SKAP2: variants seen among roughly 807,000 people sequenced by gnomAD.
SKAP2 encodes the protein src kinase associated phosphoprotein 2, also known as src kinase-associated phosphoprotein 2.
Under a neutral mutation model 54.9 loss-of-function variants are expected in SKAP2, and 28 were observed. The ratio of observed to expected loss-of-function variants is 0.51; its 90% confidence interval spans 0.38 to 0.70. The LOEUF (loss-of-function observed/expected upper bound fraction) is 0.70, where lower values mean the gene tolerates loss of function less well. Ranked by LOEUF, SKAP2 falls within the 30% of genes least tolerant of loss-of-function variation. SKAP2 has a pLI of 0.00. For synonymous variants in SKAP2, 137 were observed against 134.3 expected (o/e 1.02, Z -0.14); for missense variants, 356 against 424.1 (o/e 0.84, Z 1.41).
chr7:26,787,845 G>A (rs1783587687), intron 4 of SKAP2, among the ~76,000 whole-genome samples: 1 of 152,036 alleles, frequency 6.6e-6, no homozygotes, highest in Admixed American at 6.6e-5. Flanking sequence ...CTCTAACAGC[G>A]GGGATTACAT....
chr7:26,853,941 G>C (rs1387056054), intron 3 of SKAP2, among the ~76,000 whole-genome samples, 196 bp downstream of exon 3: 1 of 152,164 alleles, frequency 6.6e-6, no homozygotes, highest in East Asian at 1.9e-4. Context: ...AGACTGTGCA[G>C]AGTAAATTCT....
chr7:26,817,239 A>G (rs1784284621), intron 4 of SKAP2, among the ~76,000 whole-genome samples: 2 of 152,166 alleles, frequency 1.3e-5, no homozygotes, highest in Admixed American at 1.3e-4. Flanking sequence ...ACAGGAGTGT[A>G]TACATTCACA....
rs188682098 is a variant in SKAP2, at chr7:26,686,998, G to A, written c.875-2150C>T. The stretch of plus-strand genomic sequence containing the variant: ...TTTGGCTTAGCTATGTTGTCCCATT[G>A]CGTTCCCCAGCTGTCCAGGCTGCTC... On this transcript the variant is annotated intron_variant, in intron 10 of 12. Transcript: ENST00000345317. 1.2e-4 allele frequency among the ~76,000 whole-genome samples: 18 copies of A among 152,102 alleles called. No individual in the cohort carries two copies. The East Asian group carries it at 3.3e-3, about 28-fold the overall frequency.
At chr7:26,770,888 CTGTTCCTATT>C (rs1440690061) in intron 4 of SKAP2, among the ~76,000 whole-genome samples, 1 of 152,076 alleles carries the variant, frequency 6.6e-6, no homozygotes, top group Non-Finnish European at 1.5e-5. Flanking sequence ...CAGACCGGAG[CTGTTCCTATT>C]TGGCCATCTT....
intron 4 of SKAP2, among the ~76,000 whole-genome samples, chr7:26,820,547 T>C (rs935711670): frequency 2.0e-5 from 3 of 152,196 alleles, no homozygotes; most frequent in African/African-American, 7.2e-5. Context: ...ATGCTATTGT[T>C]TCATTACTTT....
At chr7:26,679,013 CGTA>C (rs1216138657) in intron 11 of SKAP2, among the ~76,000 whole-genome samples, 2 of 152,134 alleles carry the variant, frequency 1.3e-5, no homozygotes, top group Admixed American at 1.3e-4. Context: ...AAAATATCAA[CGTA>C]GTGCTTTTCT....
chr7:26,773,804 C>A (rs972035739), intron 4 of SKAP2, among the ~76,000 whole-genome samples: 3 of 152,062 alleles, frequency 2.0e-5, no homozygotes, highest in Admixed American at 6.5e-5. Context: ...CAAGATATGA[C>A]AAAACAATAA....
At chr7:26,797,127 G>A (rs1360588384) in intron 4 of SKAP2, among the ~76,000 whole-genome samples, 4 of 152,234 alleles carry the variant, frequency 2.6e-5, no homozygotes, top group African/African-American at 9.6e-5. Context: ...GGGATTAGGG[G>A]ACCTCGCTGC....
intron 11 of SKAP2, among the ~76,000 whole-genome samples, chr7:26,676,585 T>C (rs1786354130): frequency 6.6e-6 from 1 of 152,210 alleles, no homozygotes; most frequent in Admixed American, 6.5e-5. Context: ...GATCCTATCA[T>C]TCTAAGTTCT....
chr7:26,773,539 C>T (rs1412325864), intron 4 of SKAP2, among the ~76,000 whole-genome samples: 1 of 152,212 alleles, frequency 6.6e-6, no homozygotes, highest in Non-Finnish European at 1.5e-5. Context: ...TAGGCACCTT[C>T]CCACAATTTC....
chr7:26,686,692 A>G (rs1786650008), intron 10 of SKAP2, among the ~76,000 whole-genome samples: 1 of 152,224 alleles, frequency 6.6e-6, no homozygotes, highest in Non-Finnish European at 1.5e-5. Context: ...TTCTAGTCAG[A>G]TTAAATCAAT....
At chr7:26,700,089 T>C (rs1303432013) in intron 9 of SKAP2, among the ~76,000 whole-genome samples, 2 of 152,210 alleles carry the variant, frequency 1.3e-5, no homozygotes, top group African/African-American at 2.4e-5. Flanking sequence ...AGCAAGCCTG[T>C]ATCCAAAACA....
intron 4 of SKAP2, among the ~76,000 whole-genome samples, chr7:26,830,938 G>A (rs1469887659): frequency 6.6e-6 from 1 of 151,776 alleles, no homozygotes; most frequent in Non-Finnish European, 1.5e-5. Context: ...TTAGTTATGT[G>A]TACTACTTTT....
At chr7:26,719,084 G>A (rs1787523773) in intron 9 of SKAP2, among the ~76,000 whole-genome samples, 1 of 152,010 alleles carries the variant, frequency 6.6e-6, no homozygotes, top group Non-Finnish European at 1.5e-5. Flanking sequence ...AGAGGCTAAG[G>A]CAGGAGAAAC....
chr7:26,771,409 A>G (rs956833458), intron 4 of SKAP2, among the ~76,000 whole-genome samples: 1 of 152,232 alleles, frequency 6.6e-6, no homozygotes, highest in South Asian at 2.1e-4. Flanking sequence ...TATCTACTGT[A>G]CATCTAATGA....
At chr7:26,690,197 A>G in intron 10 of SKAP2, 88 bp downstream of exon 10, 1 of 992,432 alleles carries the variant, frequency 1.0e-6, no homozygotes, top group South Asian at 1.4e-5. Flanking sequence ...GGAGCTGTGT[A>G]AACATCTTTA....
chr7:26,675,156 G>A (rs1227920153), intron 11 of SKAP2, among the ~76,000 whole-genome samples: 2 of 152,092 alleles, frequency 1.3e-5, no homozygotes, highest in Non-Finnish European at 2.9e-5. Flanking sequence ...CTTTTCATCA[G>A]TTTACCCTGC....
intron 11 of SKAP2, among the ~76,000 whole-genome samples, chr7:26,676,073 T>C (rs1489720208): frequency 2.0e-5 from 3 of 152,218 alleles, no homozygotes. Context: ...TTTGTTTATA[T>C]TTATATTCTT....
intron 3 of SKAP2, among the ~76,000 whole-genome samples, chr7:26,845,082 C>T (rs1475568249): frequency 6.6e-6 from 1 of 152,148 alleles, no homozygotes; most frequent in Non-Finnish European, 1.5e-5. Context: ...AAGTATTTGA[C>T]TGTTGAATTC....
Sources: gnomAD v4.1 joint callset for allele counts (sites outside exome capture counted in the v4.1 genomes callset) on GRCh38, gnomAD v4.1.1 for gene constraint, MANE v1.5 for transcripts, NCBI Gene and HGNC (gene_info 2026-07-23, HGNC 2026-07-21) for gene names.